The following CREB1 variants were observed in gnomAD, a reference collection of about 807,000 sequenced individuals.
CREB1 encodes the protein cyclic AMP-responsive element-binding protein 1.
A neutral mutation model predicts 42.0 loss-of-function variants in CREB1; 2 were observed. That is an observed-to-expected ratio of 0.05 (90% CI 0.02 to 0.15). CREB1 has a LOEUF of 0.15. Among genes scored for constraint, CREB1 ranks in the 10% least tolerant of loss-of-function variants. CREB1 has a pLI of 1.00. For missense variants in CREB1, 199 were observed against 388.9 expected (o/e 0.51, Z 4.11); for synonymous variants, 123 against 139.9 (o/e 0.88, Z 0.85).
intron 7 of CREB1, among the ~76,000 whole-genome samples, chr2:207,586,933 G>A (rs1442045059): frequency 6.6e-6 from 1 of 152,176 alleles, no homozygotes; most frequent in Non-Finnish European, 1.5e-5. Context: ...CTTTGTGTTA[G>A]GAAGTATCAT....
chr2:207,550,229 T>A (rs1263994157), intron 1 of CREB1: 1 of 152,204 alleles, frequency 6.6e-6, no homozygotes, highest in Non-Finnish European at 1.5e-5. Context: ...GCCATGTGAT[T>A]TCCTTAAATC....
At chr2:207,576,494 C>A in intron 6 of CREB1, 1 of 212,670 alleles carries the variant, frequency 4.7e-6, no homozygotes, top group Non-Finnish European at 9.7e-6. Flanking sequence ...AATCCTGAAA[C>A]ACCAACTGGA....
At chr2:207,585,263 C>T (rs2083612675) in intron 7 of CREB1, among the ~76,000 whole-genome samples, 1 of 152,218 alleles carries the variant, frequency 6.6e-6, no homozygotes, top group Non-Finnish European at 1.5e-5. Flanking sequence ...ACAGCCTCCA[C>T]TGACAACCGA....
At chr2:207,580,622 T>C (rs1256015194) in intron 7 of CREB1, 1 of 217,822 alleles carries the variant, frequency 4.6e-6, no homozygotes, top group Non-Finnish European at 9.2e-6. Flanking sequence ...AAGATTGTAA[T>C]CCAAAAAATT....
intron 3 of CREB1, among the ~76,000 whole-genome samples, chr2:207,566,734 C>T (rs1203911339): frequency 6.6e-6 from 1 of 152,118 alleles, no homozygotes; most frequent in African/African-American, 2.4e-5. Flanking sequence ...CCATCTGGCG[C>T]CTACATTACT....
chr2:207,584,653 C>T (rs2083497616), intron 7 of CREB1, among the ~76,000 whole-genome samples: 1 of 152,156 alleles, frequency 6.6e-6, no homozygotes, highest in Non-Finnish European at 1.5e-5. Context: ...CCACCCACCT[C>T]GGCCTCCCAA....
At chr2:207,558,889 C>T (rs971588149) in intron 2 of CREB1, among the ~76,000 whole-genome samples, 6 of 152,036 alleles carry the variant, frequency 3.9e-5, no homozygotes, top group South Asian at 2.1e-4. Flanking sequence ...ATGATCCACC[C>T]GCCTCGGCCT....
At chr2:207,553,805 C>T (rs2081609432) in intron 1 of CREB1, among the ~76,000 whole-genome samples, 1 of 152,200 alleles carries the variant, frequency 6.6e-6, no homozygotes, top group Non-Finnish European at 1.5e-5. Flanking sequence ...GAAAGTCATT[C>T]TGTACAGTTC....
chr2:207,561,279 C>T, intron 3 of CREB1: 1 of 840,522 alleles, frequency 1.2e-6, no homozygotes, highest in Non-Finnish European at 1.9e-6. Flanking sequence ...TGAACAAAAA[C>T]CTCAGAGATC....
chr2:207,535,820 T>TTATTTTTA (rs752027109), intron 1 of CREB1, among the ~76,000 whole-genome samples: 7 of 149,738 alleles, frequency 4.7e-5, no homozygotes, highest in Admixed American at 4.7e-4. Context: ...ATTTATTTAT[T>TTATTTTTA]TTTATTTATT....
intron 5 of CREB1, chr2:207,571,590 G>T (rs781260497): frequency 2.5e-5 from 5 of 200,546 alleles, no homozygotes; most frequent in Admixed American, 5.7e-5. Flanking sequence ...GATCTTTGTG[G>T]CAGATATAAA....
rs182864324 is a variant in CREB1, at chr2:207,605,827, T to G, written c.*8769T>G. Among the ~76,000 whole-genome samples the G allele has an allele frequency of 6.6e-6, 1 of 152,356 alleles. No individual in the cohort carries two copies. ...TCTCCAGGATACTGAGAAGTAAAAG[T>G]TATTTCTGAATTATGGTTTTCTTCA... On this transcript the variant is annotated 3_prime_UTR_variant, in exon 8 of 8. Transcript: ENST00000353267.
intron 7 of CREB1, among the ~76,000 whole-genome samples, chr2:207,595,148 AC>A (rs1016727469): frequency 5.3e-5 from 8 of 151,464 alleles, no homozygotes; most frequent in African/African-American, 1.9e-4. Flanking sequence ...GGCACCCACC[AC>A]CATACCTGGC....
Position 207,579,095 on chromosome 2 carries a change from CTT to C in CREB1, c.839+1443_839+1444del, listed in dbSNP as rs2082725497. On this transcript the variant is annotated intron_variant, in intron 7 of 7. Coordinates refer to ENST00000353267, the MANE Select transcript of CREB1 (RefSeq NM_004379.5). ...GCCATGGTGCCCAGCCCTCAAGTGA[CTT>C]TTATTTGTGCTCCATCCATCTGTGA... Among the ~76,000 whole-genome samples the C allele has an allele frequency of 2.0e-5, 3 of 152,134 alleles. No homozygotes were observed. The South Asian group carries it at 6.2e-4, about 31-fold the overall frequency.
intron 6 of CREB1, among the ~76,000 whole-genome samples, chr2:207,576,375 T>C (rs2082601757): frequency 1.3e-5 from 2 of 151,838 alleles, no homozygotes; most frequent in Admixed American, 1.3e-4. Context: ...AATTTGCTGA[T>C]TGAGGAAATA....
At chr2:207,573,117 CTTTCTG>C (rs1402564880) in intron 5 of CREB1, among the ~76,000 whole-genome samples, 2 of 152,170 alleles carry the variant, frequency 1.3e-5, no homozygotes, top group Non-Finnish European at 2.9e-5. Flanking sequence ...TCTTAGCTAA[CTTTCTG>C]TTTAATTGTA....
At chr2:207,594,869 CTCA>C (rs1372444065) in intron 7 of CREB1, among the ~76,000 whole-genome samples, 1 of 152,082 alleles carries the variant, frequency 6.6e-6, no homozygotes, top group East Asian at 1.9e-4. Flanking sequence ...TCCTCACATC[CTCA>C]TCAACAATGG....
chr2:207,597,139 T>C lies in CREB1; in HGVS notation c.*81T>C. Reference sequence around the variant, plus strand: ...CCTGAAAGACAAAATAAACATTTTATTTTCTAAACATTTCTTTTTTTCTAT... The same window carrying C: ...CCTGAAAGACAAAATAAACATTTTACTTTCTAAACATTTCTTTTTTTCTAT... On this transcript the variant is annotated 3_prime_UTR_variant, in exon 8 of 8. Transcript: ENST00000353267. 1.4e-6 allele frequency: 2 copies of C among 1,429,004 alleles called. No individual in the cohort carries two copies. Among genetic ancestry groups the C allele is most frequent in the Admixed American group, 5.4e-5 (2 of 36,920 alleles). 88.5% of individuals were successfully genotyped at this position (1,429,004 alleles called of 1,614,324 possible).
In CREB1 at chr2:207,538,634, TGAAA is replaced by T. The variant is rs111585015; in HGVS notation, c.-9+8504_-9+8507del. Among the ~76,000 whole-genome samples the T allele has an allele frequency of 6.6e-3, 1,003 of 152,306 alleles. 13 individuals carry two copies. The highest frequency in any genetic ancestry group is 0.023 in the African/African-American group (954 of 41,566). ...TAAGGAATTGATGGTGAGTTTTTTC[TGAAA>T]GAAGAGAAGTGACATTTGATTAGAT... On this transcript the variant is annotated intron_variant, in intron 1 of 7. Coordinates refer to ENST00000353267, the MANE Select transcript of CREB1 (RefSeq NM_004379.5).
Sources: gnomAD v4.1 joint callset for allele counts (sites outside exome capture counted in the v4.1 genomes callset) on GRCh38, gnomAD v4.1.1 for gene constraint, MANE v1.5 for transcripts, NCBI Gene and HGNC (gene_info 2026-07-23, HGNC 2026-07-21) for gene names.